SV2B: variants seen among roughly 807,000 people sequenced by gnomAD.
The protein encoded by SV2B is solute carrier family 22 member B2.
Under a neutral mutation model 73.9 loss-of-function variants are expected in SV2B, and 41 were observed. The ratio of observed to expected loss-of-function variants is 0.56; its 90% CI spans 0.43 to 0.72. The LOEUF is 0.72. Ranked by LOEUF, SV2B falls within the 30% of genes least tolerant of loss-of-function variation. The probability of loss-of-function intolerance (pLI) is 0.00; values close to 1 mark genes in which losing one functional copy is unlikely to be tolerated. For missense variants in SV2B, 764 were observed against 857.8 expected (o/e 0.89, Z 1.37); for synonymous variants, 314 against 314.2 (o/e 1.00, Z 0.01).
At chr15:91,243,630 C>T (rs1467024036) in intron 2 of SV2B, among the ~76,000 whole-genome samples, 1 of 152,152 alleles carries the variant, frequency 6.6e-6, no homozygotes, top group African/African-American at 2.4e-5. Context: ...TTGCTCACTG[C>T]TTGGCCCAGA....
chr15:91,164,195 A>G (rs978802212), intron 1 of SV2B, among the ~76,000 whole-genome samples: 2 of 152,206 alleles, frequency 1.3e-5, no homozygotes, highest in South Asian at 2.1e-4. Flanking sequence ...TATAGATTCA[A>G]TGCCATCCCC....
intron 12 of SV2B, among the ~76,000 whole-genome samples, chr15:91,292,121 A>G (rs80189677): frequency 0.036 from 5,468 of 152,020 alleles, 131 homozygotes; most frequent in Middle Eastern, 0.082. Flanking sequence ...AAAGAAAAAC[A>G]CTTGAAGAAA....
intron 2 of SV2B, among the ~76,000 whole-genome samples, chr15:91,244,539 C>T (rs1332068021): frequency 1.3e-5 from 2 of 152,208 alleles, no homozygotes; most frequent in African/African-American, 2.4e-5. Flanking sequence ...AGTTTCCAAG[C>T]GTCCAGATGC....
intron 1 of SV2B, among the ~76,000 whole-genome samples, chr15:91,200,219 A>G (rs925512679): frequency 6.6e-6 from 1 of 152,186 alleles, no homozygotes; most frequent in Admixed American, 6.5e-5. Context: ...TTTGTGGACC[A>G]TTTCACTGAG....
chr15:91,189,362 G>A (rs1299708384), intron 1 of SV2B, among the ~76,000 whole-genome samples: 1 of 151,938 alleles, frequency 6.6e-6, no homozygotes, highest in Non-Finnish European at 1.5e-5. Flanking sequence ...TAAAATATAT[G>A]TATTGTTTTA....
intron 1 of SV2B, among the ~76,000 whole-genome samples, chr15:91,186,767 A>T (rs902022193): frequency 1.3e-5 from 2 of 152,174 alleles, no homozygotes; most frequent in South Asian, 2.1e-4. Flanking sequence ...TACAATGTAC[A>T]CTATTTGGGT....
intron 1 of SV2B, among the ~76,000 whole-genome samples, chr15:91,177,155 T>A (rs915530048): frequency 3.9e-5 from 6 of 151,958 alleles, no homozygotes; most frequent in Non-Finnish European, 8.8e-5. Flanking sequence ...GGGAATCCTT[T>A]CCCCATTGCT....
Position 91,267,491 on chromosome 15 carries a change from T to C in SV2B, c.1120-64T>C. ...ATTAGAATATCTGAGTAATGAGCTC[T>C]TCGTGGGAGAAACAAAGTCACACAT... On this transcript the variant is annotated intron_variant, in intron 7 of 12. Transcript: ENST00000394232. The surrounding 1 kb of genome is among the most constrained non-coding windows in gnomAD (Gnocchi z 4.3). 6 of 1,424,034 alleles carry C rather than the reference T, an allele frequency of 4.2e-6. No individual in the cohort carries two copies. The highest frequency in any genetic ancestry group is 1.4e-5 in the African/African-American group (1 of 71,560). 88.2% of individuals were successfully genotyped at this position (1,424,034 alleles called of 1,614,324 possible).
At chr15:91,259,796 C>G (rs2047840912) in intron 5 of SV2B, among the ~76,000 whole-genome samples, 2 of 152,082 alleles carry the variant, frequency 1.3e-5, no homozygotes, top group Non-Finnish European at 2.9e-5. Flanking sequence ...GGAGGTCTTC[C>G]TATAAGGGCA....
At position 91,281,321 on chromosome 15, in the gene SV2B, C is replaced by T. The variant is rs1193070687; in HGVS notation, c.1374-407C>T. Among the ~76,000 whole-genome samples the T allele has an allele frequency of 1.3e-5, 2 of 152,210 alleles. No homozygotes were observed. Among genetic ancestry groups the T allele is most frequent in the Admixed American group, 6.5e-5 (1 of 15,284 alleles). On this transcript the variant is annotated intron_variant, in intron 9 of 12. Transcript: ENST00000394232. The surrounding 1 kb of genome is among the most constrained non-coding windows in gnomAD (Gnocchi z 4.7). The stretch of plus-strand genomic sequence containing the variant: ...CAATTTTTTTAAAAATGAAGATTCT[C>T]AGACCTTCACAATTCTATGGCTTCC...
At chr15:91,207,317 C>G (rs952873316) in intron 1 of SV2B, among the ~76,000 whole-genome samples, 7 of 151,786 alleles carry the variant, frequency 4.6e-5, no homozygotes, top group Non-Finnish European at 4.4e-5. Context: ...GTCACTGTGC[C>G]TGGTCTTAAA....
At chr15:91,228,008 T>G (rs2046439361) in intron 2 of SV2B, among the ~76,000 whole-genome samples, 1 of 152,172 alleles carries the variant, frequency 6.6e-6, no homozygotes, top group African/African-American at 2.4e-5. Flanking sequence ...TAGACTTTAT[T>G]TACAAAAAAA....
Position 91,146,003 on chromosome 15 carries a change from C to A in SV2B, c.-392+45640C>A, listed in dbSNP as rs150751633. ...TTAGTTTAATAGGTGCCATTTGTCA[C>A]CTTTTGCTTTTGTTGCCATTGCTTT... On this transcript the variant is annotated intron_variant, in intron 1 of 12. Coordinates refer to ENST00000394232, the MANE Select transcript of SV2B (RefSeq NM_001323032.3). Among the ~76,000 whole-genome samples, 810 of 152,144 alleles carry A rather than the reference C, an allele frequency of 5.3e-3. 4 individuals are homozygous for A. The highest frequency in any genetic ancestry group is 0.018 in the African/African-American group (766 of 41,510).
chr15:91,188,729 T>C (rs1324175474), intron 1 of SV2B, among the ~76,000 whole-genome samples: 1 of 152,224 alleles, frequency 6.6e-6, no homozygotes, highest in Non-Finnish European at 1.5e-5. Flanking sequence ...CCCCATCAAG[T>C]ATTACAGGTT....
At position 91,130,799 on chromosome 15, in the gene SV2B, A is replaced by T. The variant is rs1336188748; in HGVS notation, c.-392+30436A>T. 2.6e-5 allele frequency among the ~76,000 whole-genome samples: 4 copies of T among 152,014 alleles called. No homozygotes were observed. Among genetic ancestry groups the T allele is most frequent in the African/African-American group, 7.2e-5 (3 of 41,426 alleles). ...GTTCGGAGGTGAAAGCAAGGGGAGAATGTTGGCCAAGCTTGTAGGAAAGAG... is the reference window on the plus strand; with the variant it reads ...GTTCGGAGGTGAAAGCAAGGGGAGATTGTTGGCCAAGCTTGTAGGAAAGAG... On this transcript the variant is annotated intron_variant, in intron 1 of 12. Transcript: ENST00000394232. This position sits in a 1 kb window ranked among gnomAD's most constrained non-coding sequence, Gnocchi z 5.6.
In SV2B at chr15:91,299,665, G is replaced by A. The variant is rs1355207102; in HGVS notation, c.*7113G>A. ...ATTATTTTTATTTTTATTTTTTTGA[G>A]ACAGAGTCTCACTCTGTCATCTAGG... On this transcript the variant is annotated 3_prime_UTR_variant, in exon 13 of 13. Transcript: ENST00000394232. 1.3e-5 allele frequency: 2 copies of A among 152,002 alleles called. No individual in the cohort carries two copies. Among genetic ancestry groups the A allele is most frequent in the Non-Finnish European group, 2.9e-5 (2 of 68,012 alleles). 9.4% of individuals were successfully genotyped at this position (152,002 alleles called of 1,614,324 possible).
In SV2B at chr15:91,267,508, G is replaced by A; in HGVS notation, c.1120-47G>A. 6.5e-7 allele frequency: 1 copy of A among 1,533,168 alleles called. No homozygotes were observed. The highest frequency in any genetic ancestry group is 9.0e-7 in the Non-Finnish European group (1 of 1,110,694). 95.0% of individuals were successfully genotyped at this position (1,533,168 alleles called of 1,614,324 possible). A position where few individuals can be genotyped will look rare whatever the true frequency, so the allele number is the denominator to read the frequency against. ...ATGAGCTCTTCGTGGGAGAAACAAA[G>A]TCACACATTGCTTTCTTTAACAATC... On this transcript the variant is annotated intron_variant, in intron 7 of 12. Transcript: ENST00000394232. The surrounding 1 kb of genome is among the most constrained non-coding windows in gnomAD (Gnocchi z 4.3).
chr15:91,247,164 GTGAGGTTTAGTAGTGAAA>G (rs2047269410), intron 2 of SV2B, among the ~76,000 whole-genome samples: 1 of 152,192 alleles, frequency 6.6e-6, no homozygotes, highest in South Asian at 2.1e-4. Flanking sequence ...ACCTTGGACA[GTGAGGTTTAGTAGTGAAA>G]GCACAAGGCC....
intron 9 of SV2B, among the ~76,000 whole-genome samples, chr15:91,269,491 A>G (rs1414806242): frequency 6.6e-6 from 1 of 152,188 alleles, no homozygotes; most frequent in Non-Finnish European, 1.5e-5. Context: ...TAACTGCCCC[A>G]TATTTACCAC....
Sources: gnomAD v4.1 joint callset for allele counts (sites outside exome capture counted in the v4.1 genomes callset) on GRCh38, gnomAD v4.1.1 for gene constraint, Gnocchi (gnomAD v3.1) non-coding constraint, MANE v1.5 for transcripts, NCBI Gene and HGNC (gene_info 2026-07-23, HGNC 2026-07-21) for gene names.